GREM2: variants seen among roughly 807,000 people sequenced by gnomAD.
GREM2 encodes gremlin 2, DAN family BMP antagonist, also known as gremlin-2.
In GREM2, 11 loss-of-function variants were observed where a neutral mutation model predicts 14.2. The ratio of observed to expected loss-of-function variants is 0.78; its 90% CI spans 0.49 to 1.28. The LOEUF (loss-of-function observed/expected upper bound fraction) is 1.28. Ranked by LOEUF, GREM2 falls within the 50% of genes most tolerant of loss-of-function variation. GREM2 has a pLI of 0.00. For missense variants in GREM2, 210 were observed against 218.5 expected, an observed-to-expected ratio of 0.96 and a Z score of 0.24; for synonymous variants, 98 against 97.6, an observed-to-expected ratio of 1.00 and a Z score of -0.02.
At chr1:240,504,427 T>A (rs74149146) in intron 1 of GREM2, among the ~76,000 whole-genome samples, 2 of 152,174 alleles carry the variant, frequency 1.3e-5, no homozygotes, top group East Asian at 3.9e-4. Flanking sequence ...TTTAGGGGAA[T>A]CAATATACAA....
intron 1 of GREM2, among the ~76,000 whole-genome samples, chr1:240,602,540 A>C (rs540615776): frequency 4.6e-5 from 7 of 152,316 alleles, no homozygotes; most frequent in African/African-American, 1.7e-4. Context: ...AGAAAAGAGC[A>C]TGAAAAGAGA....
At chr1:240,595,125 C>T (rs1312165692) in intron 1 of GREM2, among the ~76,000 whole-genome samples, 7 of 152,206 alleles carry the variant, frequency 4.6e-5, no homozygotes, top group Non-Finnish European at 1.0e-4. Context: ...GTGGCTCATG[C>T]CTGTAATCCC....
chr1:240,547,510 AAAAAAT>A (rs1481991966), intron 1 of GREM2, among the ~76,000 whole-genome samples: 1 of 101,198 alleles, frequency 9.9e-6, no homozygotes, highest in African/African-American at 5.2e-5. Flanking sequence ...AAAAAAAAAA[AAAAAAT>A]ATATATATAT....
At position 240,540,743 on chromosome 1, in the gene GREM2, A is replaced by T. The variant is rs1205698655; in HGVS notation, c.-1-47267T>A. Among the ~76,000 whole-genome samples, 2 of 151,996 alleles carry T rather than the reference A, an allele frequency of 1.3e-5. No homozygotes were observed. Among genetic ancestry groups the T allele is most frequent in the Non-Finnish European group, 2.9e-5 (2 of 67,988 alleles). ...ACGCCCAGCTAATTTTTGTATTTTT[A>T]GTAGAGACAGGGTTTCACCATGTTG... On this transcript the variant is annotated intron_variant, in intron 1 of 1. Transcript: ENST00000318160. This position sits in a 1 kb window ranked among gnomAD's most constrained non-coding sequence, Gnocchi z 4.2.
At chr1:240,587,038 G>A (rs1468343752) in intron 1 of GREM2, among the ~76,000 whole-genome samples, 1 of 152,048 alleles carries the variant, frequency 6.6e-6, no homozygotes, top group Non-Finnish European at 1.5e-5. Flanking sequence ...CCCTCTCGAA[G>A]GCTTTATTTG....
At chr1:240,608,727 A>G (rs1680078251) in intron 1 of GREM2, among the ~76,000 whole-genome samples, 1 of 152,228 alleles carries the variant, frequency 6.6e-6, no homozygotes, top group African/African-American at 2.4e-5. Flanking sequence ...TGATTTTGCC[A>G]GGTAGCACCA....
intron 1 of GREM2, among the ~76,000 whole-genome samples, chr1:240,495,929 TTTTTTG>T (rs71170752): frequency 6.7e-6 from 1 of 148,546 alleles, no homozygotes; most frequent in African/African-American, 2.5e-5. Flanking sequence ...GGCAAAGGTT[TTTTTTG>T]TTTTTGTTTT....
In GREM2 at chr1:240,571,063, T is replaced by C. The variant is rs191563818; in HGVS notation, c.-2+40821A>G. On this transcript the variant is annotated intron_variant, in intron 1 of 1. Transcript: ENST00000318160. ...GATAGGAATGATTTTGAAATTGAAC[T>C]AGTATGTCTATAACATAAACAACCA... is the stretch of plus-strand genomic sequence containing the variant. Among the ~76,000 whole-genome samples, 7 of 152,332 alleles carry C rather than the reference T, an allele frequency of 4.6e-5. No homozygotes were observed. In the East Asian group the frequency reaches 1.3e-3, roughly 29 times the overall value.
Position 240,553,950 on chromosome 1 carries a change from G to A in GREM2, c.-2+57934C>T, listed in dbSNP as rs531446980. On this transcript the variant is annotated intron_variant, in intron 1 of 1. Transcript: ENST00000318160. ...TCTAGTCAAGAGTGAGCAATCAGCT[G>A]TGAGTGGTTGAGGGGCTTGTTGGCA... Among the ~76,000 whole-genome samples, 21 of 152,310 alleles carry A rather than the reference G, an allele frequency of 1.4e-4. No homozygotes were observed. In the South Asian group the frequency reaches 3.9e-3, roughly 29 times the overall value.
At chr1:240,602,051 T>G (rs2102871654) in intron 1 of GREM2, among the ~76,000 whole-genome samples, 1 of 152,318 alleles carries the variant, frequency 6.6e-6, no homozygotes, top group Admixed American at 6.5e-5. Context: ...TTCCATAACC[T>G]TATGGATATG....
intron 1 of GREM2, among the ~76,000 whole-genome samples, chr1:240,499,125 C>CAGGG (rs1274068990): frequency 3.3e-5 from 5 of 152,234 alleles, no homozygotes; most frequent in Non-Finnish European, 2.9e-5. Flanking sequence ...AAGACCTGAA[C>CAGGG]AGGGGTTCTA....
rs1305312102 is a variant in GREM2 at position 240,612,097 on chromosome 1, C to G, written c.-215G>C. ...GGAGAGGCGAGAGCGCGCCCCGCGC[C>G]GCGCGGTCCCAGGCTGGCTGCTCCT... On this transcript the variant is annotated 5_prime_UTR_variant, in exon 1 of 2. Coordinates refer to ENST00000318160, the MANE Select transcript of GREM2 (RefSeq NM_022469.4). The G allele has an allele frequency of 6.5e-6, 1 of 152,684 alleles. No individual in the cohort carries two copies. Among genetic ancestry groups the G allele is most frequent in the Non-Finnish European group, 1.5e-5 (1 of 68,126 alleles). The allele number at this position is 152,684 out of a possible 1,614,324, so 9.5% of individuals were successfully genotyped here. A position where few individuals can be genotyped will look rare whatever the true frequency, so the allele number is the denominator to read the frequency against.
intron 1 of GREM2, among the ~76,000 whole-genome samples, chr1:240,596,314 A>G (rs1558177829): frequency 6.6e-6 from 1 of 152,206 alleles, no homozygotes; most frequent in Non-Finnish European, 1.5e-5. Flanking sequence ...AGTTAAGGAA[A>G]TGCGAAACTA....
intron 1 of GREM2, among the ~76,000 whole-genome samples, chr1:240,534,505 C>T (rs924753266): frequency 2.6e-5 from 4 of 151,712 alleles, no homozygotes; most frequent in Non-Finnish European, 5.9e-5. Flanking sequence ...CTGGCTAACA[C>T]GGTGAAACCC....
At chr1:240,590,820 C>G (rs1679696266) in intron 1 of GREM2, 1 of 149,714 alleles carries the variant, frequency 6.7e-6, no homozygotes, top group Non-Finnish European at 1.5e-5. Context: ...GAGTCTCCCT[C>G]TGTTGCCCAG....
intron 1 of GREM2, among the ~76,000 whole-genome samples, chr1:240,578,908 A>G (rs1384993300): frequency 6.6e-6 from 1 of 152,206 alleles, no homozygotes; most frequent in African/African-American, 2.4e-5. Flanking sequence ...TGCATTTTGG[A>G]ACAGCTGCAG....
intron 1 of GREM2, among the ~76,000 whole-genome samples, chr1:240,582,806 A>G (rs1679516289): frequency 6.6e-6 from 1 of 152,196 alleles, no homozygotes; most frequent in Non-Finnish European, 1.5e-5. Flanking sequence ...TCAAAAAAAA[A>G]AAAAGAGAAA....
intron 1 of GREM2, chr1:240,588,624 G>A (rs928155932): frequency 2.0e-5 from 3 of 152,124 alleles, no homozygotes; most frequent in Non-Finnish European, 2.9e-5. Context: ...GCAAGGTCAC[G>A]CAGCTAATTA....
intron 1 of GREM2, among the ~76,000 whole-genome samples, chr1:240,548,386 T>C (rs576223753): frequency 7.9e-5 from 12 of 152,298 alleles, no homozygotes; most frequent in African/African-American, 2.9e-4. Context: ...ACTCCCCATG[T>C]CTTTTCCAAT....
Sources: allele counts gnomAD v4.1 joint callset (sites outside exome capture counted in the v4.1 genomes callset), GRCh38; gene constraint gnomAD v4.1.1; non-coding constraint Gnocchi (gnomAD v3.1); transcripts MANE v1.5; gene names NCBI Gene and HGNC (gene_info 2026-07-23, HGNC 2026-07-21).